EIF4E3: variants seen among roughly 807,000 people sequenced by gnomAD.
EIF4E3 encodes the protein eukaryotic translation initiation factor 4E family member 3.
In EIF4E3, 26 loss-of-function variants were observed where a neutral mutation model predicts 31.7. That is an observed-to-expected ratio of 0.82 (90% CI 0.60 to 1.14). The LOEUF (loss-of-function observed/expected upper bound fraction) is 1.14, where lower values mean the gene tolerates loss of function less well. Ranked by LOEUF, EIF4E3 falls within the 50% of genes most tolerant of loss-of-function variation. The pLI is 0.00. For synonymous variants in EIF4E3, 128 were observed against 107.7 expected (o/e 1.19, Z -1.17); for missense variants, 304 against 270.9 (o/e 1.12, Z -0.86).
chr3:71,670,431 C>T (rs990550762), downstream of EIF4E3, among the ~76,000 whole-genome samples: 3 of 152,158 alleles, frequency 2.0e-5, no homozygotes, highest in African/African-American at 4.8e-5. Context: ...ACCCCCGTGG[C>T]CCCAGCCACG....
Position 71,682,741 on chromosome 3 carries a change from C to T in EIF4E3, c.*1941G>A, listed in dbSNP as rs78365122. The T allele has an allele frequency of 0.015, 2,249 of 152,680 alleles. 25 individuals are homozygous for T. The highest frequency in any genetic ancestry group is 0.024 in the Non-Finnish European group (1,612 of 68,006). The allele number at this position is 152,680 out of a possible 1,614,324, so 9.5% of individuals were successfully genotyped here. On this transcript the variant is annotated 3_prime_UTR_variant, in exon 7 of 7. Coordinates refer to ENST00000425534, the MANE Select transcript of EIF4E3 (RefSeq NM_001134651.2). ...GAAATATTAACGTGAGCCTAACATT[C>T]CTATTTATTTTTACTTCAAAGGCTA...
chr3:71,694,262 T>G (rs1341797904), intron 4 of EIF4E3, among the ~76,000 whole-genome samples: 1 of 152,236 alleles, frequency 6.6e-6, no homozygotes, highest in Non-Finnish European at 1.5e-5. Context: ...TTCAAATTTC[T>G]TTACCTCTCA....
chr3:71,749,990 G>C (rs1439479629), intron 1 of EIF4E3, among the ~76,000 whole-genome samples: 3 of 152,216 alleles, frequency 2.0e-5, no homozygotes, highest in Non-Finnish European at 4.4e-5. Flanking sequence ...AATGCTGTGA[G>C]AGAACCATGA....
rs1406068913 is a variant in EIF4E3 at position 71,677,878 on chromosome 3, A to G, written c.*6804T>C. 1 of 152,158 alleles carries G rather than the reference A, an allele frequency of 6.6e-6. No individual in the cohort carries two copies. Among genetic ancestry groups the G allele is most frequent in the Non-Finnish European group, 1.5e-5 (1 of 68,036 alleles). 9.4% of individuals were successfully genotyped at this position (152,158 alleles called of 1,614,324 possible). ...CAAATTGCAGCACAAAAGAGCAACG[A>G]GAGTAATTGACTTATTCTAAAACGG... is the stretch of plus-strand genomic sequence containing the variant. On this transcript the variant is annotated 3_prime_UTR_variant, in exon 7 of 7. Coordinates refer to ENST00000425534, the MANE Select transcript of EIF4E3 (RefSeq NM_001134651.2).
intron 1 of EIF4E3, among the ~76,000 whole-genome samples, chr3:71,717,936 C>T (rs79152648): frequency 0.032 from 4,904 of 152,280 alleles, 103 homozygotes; most frequent in Middle Eastern, 0.095. Flanking sequence ...ATGTCTGAAA[C>T]AGTATGTGGT....
At chr3:71,737,166 G>T (rs2049772230) in intron 1 of EIF4E3, among the ~76,000 whole-genome samples, 1 of 152,182 alleles carries the variant, frequency 6.6e-6, no homozygotes, top group Admixed American at 6.5e-5. Context: ...GAGGTATGGA[G>T]TTCAAACCCT....
intron 1 of EIF4E3, among the ~76,000 whole-genome samples, chr3:71,734,433 A>G (rs976270270): frequency 2.0e-5 from 3 of 152,180 alleles, no homozygotes; most frequent in Non-Finnish European, 2.9e-5. Context: ...TCATTCCTAA[A>G]ATGCCTAAGG....
chr3:71,703,597 T>C (rs2049248269), intron 2 of EIF4E3, among the ~76,000 whole-genome samples: 1 of 152,162 alleles, frequency 6.6e-6, no homozygotes, highest in Non-Finnish European at 1.5e-5. Context: ...GGAGCAACTA[T>C]GCCCCACCTT....
the EIF4E3 span, among the ~76,000 whole-genome samples, chr3:71,668,646 G>C: frequency 2.0e-5 from 3 of 152,056 alleles, no homozygotes; most frequent in Non-Finnish European, 4.4e-5. Context: ...ATGAAAAAAA[G>C]CTCATCATCA....
chr3:71,714,081 G>A (rs1578363694), intron 1 of EIF4E3, among the ~76,000 whole-genome samples: 1 of 152,164 alleles, frequency 6.6e-6, no homozygotes, highest in East Asian at 1.9e-4. Context: ...ACGTGGTGGT[G>A]TATGCCTGTA....
chr3:71,695,137 G>A (rs968735087), intron 4 of EIF4E3, among the ~76,000 whole-genome samples: 13 of 152,160 alleles, frequency 8.5e-5, no homozygotes, highest in East Asian at 3.9e-4. Flanking sequence ...CATTGCTTCC[G>A]TTTTCTATCT....
chr3:71,661,507 T>C, the EIF4E3 span, among the ~76,000 whole-genome samples: 4 of 152,204 alleles, frequency 2.6e-5, no homozygotes, highest in African/African-American at 7.2e-5. Flanking sequence ...GGCCTCCATT[T>C]CCCATGCGTC....
chr3:71,686,384 A>G (rs994094037), intron 6 of EIF4E3, among the ~76,000 whole-genome samples: 1 of 152,016 alleles, frequency 6.6e-6, no homozygotes, highest in African/African-American at 2.4e-5. Context: ...TTGGACGTTC[A>G]CCCCAACCTA....
At chr3:71,750,810 C>A (rs561825343) in intron 1 of EIF4E3, among the ~76,000 whole-genome samples, 4 of 150,438 alleles carry the variant, frequency 2.7e-5, no homozygotes, top group Non-Finnish European at 5.9e-5. Context: ...GTTGCCCAGG[C>A]TGAAGTGCAG....
the EIF4E3 span, among the ~76,000 whole-genome samples, chr3:71,663,581 C>T: frequency 1.3e-5 from 2 of 152,170 alleles, no homozygotes; most frequent in African/African-American, 4.8e-5. Flanking sequence ...CAGGCATCAG[C>T]AGGATGCTTT....
downstream of EIF4E3, among the ~76,000 whole-genome samples, chr3:71,673,691 C>T (rs986008830): frequency 7.9e-5 from 12 of 151,828 alleles, no homozygotes; most frequent in Non-Finnish European, 1.5e-4. Flanking sequence ...TCTAGTAGTT[C>T]AGTTTTAATA....
intron 2 of EIF4E3, among the ~76,000 whole-genome samples, chr3:71,700,845 C>G (rs2049206449): frequency 6.6e-6 from 1 of 152,186 alleles, no homozygotes; most frequent in South Asian, 2.1e-4. Flanking sequence ...GTGTCTTCCC[C>G]AGATTCATAT....
chr3:71,668,758 A>G, the EIF4E3 span, among the ~76,000 whole-genome samples: 1 of 152,220 alleles, frequency 6.6e-6, no homozygotes, highest in African/African-American at 2.4e-5. Flanking sequence ...GATGATGGAG[A>G]GGATGTGGAG....
chr3:71,703,213 T>C (rs1286136993), intron 2 of EIF4E3, among the ~76,000 whole-genome samples: 1 of 152,214 alleles, frequency 6.6e-6, no homozygotes, highest in Non-Finnish European at 1.5e-5. Context: ...CAGAGCACTG[T>C]GACGGGTCCT....
Sources: gnomAD v4.1 joint callset for allele counts (sites outside exome capture counted in the v4.1 genomes callset) on GRCh38, gnomAD v4.1.1 for gene constraint, MANE v1.5 for transcripts, NCBI Gene and HGNC (gene_info 2026-07-23, HGNC 2026-07-21) for gene names.